Variants in FMO5 observed in about 807,000 individuals in gnomAD.
FMO5 encodes the protein flavin containing dimethylaniline monoxygenase 5.
A neutral mutation model predicts 43.6 loss-of-function variants in FMO5; 51 were observed. The observed-to-expected ratio is 1.17, with a 90% confidence interval of 0.93 to 1.48. FMO5 has a LOEUF of 1.48. FMO5 is among the 40% of genes most tolerant of loss of function. The pLI is 0.00. For synonymous variants in FMO5, 187 were observed against 216.5 expected (o/e 0.86, Z 1.20); for missense variants, 644 against 643.0 (o/e 1.00, Z -0.02).
At chr1:147,220,236 A>G (rs1387341839) in intron 2 of FMO5, among the ~76,000 whole-genome samples, 1 of 152,246 alleles carries the variant, frequency 6.6e-6, no homozygotes, top group African/African-American at 2.4e-5. Context: ...AGGTATAAAC[A>G]TAACAAAATA....
chr1:147,186,361 CAA>C lies in FMO5; in HGVS notation c.*537_*538del, dbSNP rs587634161. On this transcript the variant is annotated 3_prime_UTR_variant, in exon 9 of 9. Coordinates refer to ENST00000254090, the MANE Select transcript of FMO5 (RefSeq NM_001461.4). The stretch of plus-strand genomic sequence containing the variant: ...GTACACTAGTGAATAGCAAGTGAAA[CAA>C]AATGTCTTAAGCATCTATATGTCTT... The C allele has an allele frequency of 1.9e-4, 186 of 954,332 alleles. 2 individuals are homozygous for C. The African/African-American group carries it at 3.1e-3, about 16-fold the overall frequency. The allele number at this position is 954,332 out of a possible 1,614,324, so 59.1% of individuals were successfully genotyped here.
upstream of FMO5, chr1:147,225,364 T>G: frequency 3.9e-6 from 1 of 257,858 alleles, no homozygotes; most frequent in South Asian, 6.2e-5. Context: ...GTCAAATTAC[T>G]ATAAACCAAC....
At chr1:147,208,187 G>C (rs974209553) in intron 6 of FMO5, among the ~76,000 whole-genome samples, 5 of 152,126 alleles carry the variant, frequency 3.3e-5, no homozygotes, top group Non-Finnish European at 5.9e-5. Flanking sequence ...TCTTCTCTCT[G>C]TATTTCATGC....
intron 2 of FMO5, among the ~76,000 whole-genome samples, chr1:147,218,923 G>A (rs587740485): frequency 6.6e-6 from 1 of 152,170 alleles, no homozygotes; most frequent in African/African-American, 2.4e-5. Context: ...CATCCTCCAA[G>A]CTCCCAAAAC....
intron 2 of FMO5, chr1:147,224,109 G>A (rs930143002): frequency 1.4e-5 from 5 of 356,050 alleles, no homozygotes; most frequent in Non-Finnish European, 2.2e-5. Flanking sequence ...ATTATCAAGG[G>A]TGAGGTAAGA....
At chr1:147,208,762 G>C (rs1004354943) in intron 6 of FMO5, 90 bp downstream of exon 6, 31 of 1,057,124 alleles carry the variant, frequency 2.9e-5, no homozygotes, top group South Asian at 2.0e-4. Flanking sequence ...TTAATGTATG[G>C]GTAGAGGTGG....
intron 5 of FMO5, among the ~76,000 whole-genome samples, chr1:147,212,161 C>T (rs1553923842): frequency 6.6e-6 from 1 of 152,174 alleles, no homozygotes; most frequent in East Asian, 1.9e-4. Context: ...TGATCCAGTT[C>T]CTTGGTGTGA....
At chr1:147,188,522 C>CAAAA (rs10552833) in intron 8 of FMO5, among the ~76,000 whole-genome samples, 44 of 61,186 alleles carry the variant, frequency 7.2e-4, no homozygotes, top group Non-Finnish European at 7.9e-4. Context: ...GACCCCATAT[C>CAAAA]AAAAAAAAAA....
chr1:147,193,863 T>G (rs782374144), intron 7 of FMO5, among the ~76,000 whole-genome samples: 4 of 152,176 alleles, frequency 2.6e-5, no homozygotes, highest in Non-Finnish European at 5.9e-5. Context: ...TGCACTGTGG[T>G]CTGAGAGACA....
intron 7 of FMO5, among the ~76,000 whole-genome samples, chr1:147,193,839 A>G: frequency 6.6e-6 from 1 of 152,038 alleles, no homozygotes; most frequent in Non-Finnish European, 1.5e-5. Flanking sequence ...TTTAGTCCTG[A>G]GTTCTAGTTT....
upstream of FMO5, among the ~76,000 whole-genome samples, chr1:147,226,430 G>A (rs1167007680): frequency 1.3e-5 from 2 of 152,098 alleles, no homozygotes; most frequent in Admixed American, 6.6e-5. Flanking sequence ...TAATTTTAAC[G>A]AAATAAAAGT....
At position 147,212,499 on chromosome 1, in the gene FMO5, C is replaced by A. The variant is rs782690948; in HGVS notation, c.524G>T (p.Arg175Leu). The A allele has an allele frequency of 3.7e-6, 6 of 1,613,686 alleles. No homozygotes were observed. The highest frequency in any genetic ancestry group is 2.2e-5 in the East Asian group (1 of 44,888). Residue 175 changes from arginine (R) to leucine (L), a missense_variant, in exon 5 of 9, where the codon CGA (arginine) becomes CTA (leucine). Arg to Leu is a moderately radical substitution (Grantham distance 102, BLOSUM62 -2). Coordinates refer to ENST00000254090, the MANE Select transcript of FMO5 (RefSeq NM_001461.4). ...EKFKGQYFHS[R>L]DYKNPEGFTG... Reference sequence around the variant, plus strand: ...GAATCCCTCTGGGTTCTTATAGTCTCGACTGTGGAAGTACTGCCCTTTGAA... The same window carrying A: ...GAATCCCTCTGGGTTCTTATAGTCTAGACTGTGGAAGTACTGCCCTTTGAA...
At position 147,213,310 on chromosome 1, in the gene FMO5, G is replaced by A; in HGVS notation, c.485C>T (p.Pro162Leu). The change falls in exon 4 of 9, where the codon CCT (proline) becomes CTT (leucine). Residue 162 changes from proline (P) to leucine (L), a missense_variant and splice_region_variant. Transcript: ENST00000254090. ...TNAHLPLESF[P>L]GIEKFKGQYF... ...TTCCTTCCTGGTAAGCTGCTCACCA[G>A]GGAAGCTTTCCAGAGGTAGATGAGC... The A allele has an allele frequency of 6.2e-7, 1 of 1,604,342 alleles. No individual in the cohort carries two copies. The highest frequency in any genetic ancestry group is 8.5e-7 in the Non-Finnish European group (1 of 1,174,902).
intron 7 of FMO5, among the ~76,000 whole-genome samples, chr1:147,190,814 G>A (rs377204111): frequency 7.8e-4 from 119 of 151,878 alleles, no homozygotes; most frequent in Non-Finnish European, 1.4e-3. Flanking sequence ...GGTATATCTC[G>A]TAATGCTATC....
rs782425210 is a variant in FMO5 at position 147,201,359 on chromosome 1, C to G, written c.976G>C (p.Val326Leu). 6.2e-7 allele frequency: 1 copy of G among 1,614,032 alleles called. No individual in the cohort carries two copies. Among genetic ancestry groups the G allele is most frequent in the South Asian group, 1.1e-5 (1 of 91,084 alleles). ...AAGCTATAGCCTGTGGCAAAGATAA[C>G]AGCATCAATGTCATCCTCCCTGGAG... ...DGSREDDIDA[V>L]IFATGYSFDF... Residue 326 changes from valine to leucine, a missense_variant, in exon 7 of 9, where the codon GTT (valine) becomes CTT (leucine). Coordinates refer to ENST00000254090, the MANE Select transcript of FMO5 (RefSeq NM_001461.4).
At chr1:147,191,656 T>C (rs1656852808) in intron 7 of FMO5, among the ~76,000 whole-genome samples, 1 of 146,888 alleles carries the variant, frequency 6.8e-6, no homozygotes, top group African/African-American at 2.6e-5. Flanking sequence ...CTGATGGTAG[T>C]TTCTTTAGTC....
intron 6 of FMO5, among the ~76,000 whole-genome samples, chr1:147,203,114 C>CTTT (rs142319990): frequency 0.54 from 79,072 of 147,682 alleles, 21,638 homozygotes; most frequent in Non-Finnish European, 0.6. Flanking sequence ...CAAAGGTTTC[C>CTTT]TTTTTTTTTT....
intron 7 of FMO5, among the ~76,000 whole-genome samples, chr1:147,200,542 T>G (rs1658791871): frequency 6.6e-6 from 1 of 152,132 alleles, no homozygotes; most frequent in African/African-American, 2.4e-5. Flanking sequence ...TAGATTTAAT[T>G]ATTTCTTTGG....
intron 7 of FMO5, among the ~76,000 whole-genome samples, chr1:147,195,272 T>A (rs1165650410): frequency 6.6e-6 from 1 of 152,088 alleles, no homozygotes; most frequent in African/African-American, 2.4e-5. Flanking sequence ...CTTCCATCAC[T>A]GATATCCTAC....
Sources: gnomAD v4.1 joint callset for allele counts (sites outside exome capture counted in the v4.1 genomes callset) on GRCh38, gnomAD v4.1.1 for gene constraint, MANE v1.5 for transcripts, NCBI Gene and HGNC (gene_info 2026-07-23, HGNC 2026-07-21) for gene names.